Variants in FRY observed in about 807,000 individuals in gnomAD.
FRY encodes protein furry homolog.
FRY carries 128 observed loss-of-function variants against 348.4 expected under a neutral mutation model. The observed-to-expected ratio is 0.37, with a 90% CI of 0.32 to 0.43. The LOEUF is 0.43. FRY is among the 20% of genes least tolerant of loss of function. FRY has a pLI of 1.00. For synonymous variants in FRY, 1,370 were observed against 1,374.7 expected (o/e 1.00, Z 0.08); for missense variants, 2,736 against 3,695.2 (o/e 0.74, Z 6.73).
chr13:32,096,442 G>GC (rs375240365), intron 2 of FRY, among the ~76,000 whole-genome samples: 3 of 151,848 alleles, frequency 2.0e-5, no homozygotes, highest in Admixed American at 2.0e-4. Flanking sequence ...AACTGCGGGG[G>GC]GGGGCTTCAT....
At chr13:32,071,071 A>G (rs995287060) in intron 1 of FRY, among the ~76,000 whole-genome samples, 1 of 152,066 alleles carries the variant, frequency 6.6e-6, no homozygotes, top group Non-Finnish European at 1.5e-5. Context: ...ATTTGTCTAT[A>G]TATCTATTTT....
chr13:32,191,760 TG>T (rs1267336129), intron 28 of FRY, among the ~76,000 whole-genome samples: 1 of 152,156 alleles, frequency 6.6e-6, no homozygotes, highest in African/African-American at 2.4e-5. Context: ...GGGAACTCTC[TG>T]GGGTCTTTCT....
At chr13:32,128,787 A>G (rs1017506335) in intron 7 of FRY, among the ~76,000 whole-genome samples, 2 of 152,242 alleles carry the variant, frequency 1.3e-5, no homozygotes, top group Non-Finnish European at 2.9e-5. Flanking sequence ...TTCTGAGTCT[A>G]CACCAGTGTT....
intron 55 of FRY, among the ~76,000 whole-genome samples, chr13:32,269,696 TTAA>T (rs1888111992): frequency 2.1e-5 from 2 of 96,320 alleles, no homozygotes. Flanking sequence ...CATCTCCATT[TTAA>T]AAAAAAAAAA....
intron 1 of FRY, among the ~76,000 whole-genome samples, chr13:32,040,143 T>A (rs906397631): frequency 5.3e-5 from 8 of 152,202 alleles, no homozygotes; most frequent in Non-Finnish European, 1.0e-4. Context: ...AAGAATAGGG[T>A]ATTAGATTAA....
At position 32,129,041 on chromosome 13, in the gene FRY, A is replaced by G. The variant is rs202092723; in HGVS notation, c.717-2631A>G. Among the ~76,000 whole-genome samples, 16 of 152,050 alleles carry G rather than the reference A, an allele frequency of 1.1e-4. No individual in the cohort carries two copies. In the East Asian group the frequency reaches 3.1e-3, roughly 29 times the overall value. On this transcript the variant is annotated intron_variant, in intron 7 of 60. Coordinates refer to ENST00000542859, the MANE Select transcript of FRY (RefSeq NM_023037.3). ...CTCTCTCCTTGGCTTGTATGTGGCC[A>G]TTTTCTCCCTGTGTCTTCATATGGT...
chr13:32,043,602 A>G (rs1461637291), intron 1 of FRY, among the ~76,000 whole-genome samples: 1 of 152,212 alleles, frequency 6.6e-6, no homozygotes, highest in African/African-American at 2.4e-5. Context: ...TTGGCAAGAT[A>G]AAGATATTGG....
intron 28 of FRY, among the ~76,000 whole-genome samples, chr13:32,192,737 T>A (rs1412226882): frequency 2.9e-5 from 4 of 137,600 alleles, no homozygotes; most frequent in East Asian, 4.5e-4. Context: ...ACCAGAATGT[T>A]ACTTTTTTTT....
intron 16 of FRY, among the ~76,000 whole-genome samples, chr13:32,159,698 G>A (rs952052440): frequency 1.3e-5 from 2 of 152,112 alleles, no homozygotes; most frequent in African/African-American, 4.8e-5. Flanking sequence ...CTTCAGGCCA[G>A]GCAAGGTCAT....
At chr13:32,123,984 G>A (rs1878860447) in intron 4 of FRY, among the ~76,000 whole-genome samples, 1 of 152,098 alleles carries the variant, frequency 6.6e-6, no homozygotes, top group Admixed American at 6.5e-5. Context: ...ACAGGCATGG[G>A]CTACCATGCC....
At chr13:32,039,441 A>G (rs1016577239) in intron 1 of FRY, among the ~76,000 whole-genome samples, 1 of 151,872 alleles carries the variant, frequency 6.6e-6, no homozygotes, top group Non-Finnish European at 1.5e-5. Context: ...GAGAAGGGCT[A>G]TGTCTGTCTG....
At chr13:32,268,756 C>T (rs892150123) in intron 55 of FRY, among the ~76,000 whole-genome samples, 2 of 151,730 alleles carry the variant, frequency 1.3e-5, no homozygotes, top group Non-Finnish European at 2.9e-5. Flanking sequence ...CTCACTCTGC[C>T]TCCCAGGTTC....
At chr13:32,209,135 A>G (rs1593743682) in intron 32 of FRY, 26 bp downstream of exon 32, 1 of 1,613,716 alleles carries the variant, frequency 6.2e-7, no homozygotes, top group Non-Finnish European at 8.5e-7. Flanking sequence ...TTGTGCTTCA[A>G]ATAGCATGGC....
chr13:32,173,573 T>G (rs1225156625), intron 19 of FRY, 24 bp downstream of exon 19: 3 of 1,565,960 alleles, frequency 1.9e-6, no homozygotes, highest in Non-Finnish European at 2.6e-6. Flanking sequence ...TTCTGAATTT[T>G]TCCATTTCTT....
Position 32,224,395 on chromosome 13 carries a change from A to G in FRY, c.4916+10A>G, listed in dbSNP as rs367775223. The G allele has an allele frequency of 1.9e-6, 3 of 1,612,594 alleles. No homozygotes were observed. Among genetic ancestry groups the G allele is most frequent in the East Asian group, 4.5e-5 (2 of 44,864 alleles). ...GGGGGCCACTCCACAGGTGAGCAGC[A>G]TGTGTGGGGAGAAGGAAATCTTAGC... On this transcript the variant is annotated intron_variant, in intron 37 of 60. Coordinates refer to ENST00000542859, the MANE Select transcript of FRY (RefSeq NM_023037.3).
chr13:32,180,948 T>G (rs910900206), intron 23 of FRY, among the ~76,000 whole-genome samples: 5 of 152,130 alleles, frequency 3.3e-5, no homozygotes, highest in Admixed American at 3.3e-4. Flanking sequence ...TGGAGTTCAG[T>G]GGCGTGATCT....
intron 11 of FRY, among the ~76,000 whole-genome samples, chr13:32,145,568 C>T (rs1439333550): frequency 1.5e-5 from 2 of 131,968 alleles, no homozygotes; most frequent in South Asian, 2.5e-4. Context: ...GACGGAGTCT[C>T]GCTCTGTCGC....
intron 23 of FRY, among the ~76,000 whole-genome samples, chr13:32,182,479 G>A (rs557094470): frequency 5.9e-5 from 9 of 152,260 alleles, no homozygotes; most frequent in African/African-American, 1.4e-4. Context: ...GTCAGTTTGC[G>A]GAGCACAGAT....
intron 40 of FRY, 53 bp from the exon 41 acceptor site, chr13:32,231,126 T>C: frequency 6.3e-7 from 1 of 1,582,484 alleles, no homozygotes; most frequent in South Asian, 1.1e-5. Flanking sequence ...TGTGTAGTTT[T>C]AAAAATGCAA....
Sources: gnomAD v4.1 joint callset for allele counts (sites outside exome capture counted in the v4.1 genomes callset) on GRCh38, gnomAD v4.1.1 for gene constraint, MANE v1.5 for transcripts, NCBI Gene and HGNC (gene_info 2026-07-23, HGNC 2026-07-21) for gene names.